The following BLTP1 variants were observed in gnomAD, a reference collection of about 807,000 sequenced individuals.
BLTP1 encodes the protein fragile site-associated protein.
chr4:122,203,735 T>A, the BLTP1 span: 1 of 262,004 alleles, frequency 3.8e-6, no homozygotes, highest in Non-Finnish European at 5.9e-6. Flanking sequence ...TAGAAACTGG[T>A]AGGTAAACTA....
the BLTP1 span, chr4:122,353,058 T>C: frequency 6.2e-7 from 1 of 1,614,064 alleles, no homozygotes; most frequent in Middle Eastern, 1.7e-4. This position sits in a 1 kb window ranked among gnomAD's most constrained non-coding sequence, Gnocchi z 4.3. Flanking sequence ...TGGCATGTTT[T>C]CATGGTCCAA....
chr4:122,220,587 TTAAGTTAAC>T, the BLTP1 span: 5 of 815,104 alleles, frequency 6.1e-6, no homozygotes, highest in Non-Finnish European at 9.4e-6. Flanking sequence ...TTGGAGACTT[TTAAGTTAAC>T]TGTATTAAGA....
At chr4:122,246,005 T>G in the BLTP1 span, 1 of 802,334 alleles carries the variant, frequency 1.2e-6, no homozygotes, top group Non-Finnish European at 1.7e-6. Context: ...TTATCGAAAG[T>G]TTGGATTTTA....
chr4:122,360,022 CAAG>C, the BLTP1 span: 2 of 985,134 alleles, frequency 2.0e-6, no homozygotes, highest in African/African-American at 3.5e-5. Flanking sequence ...ACCTTCTCAC[CAAG>C]ATGTTATTTT....
chr4:122,239,353 G>GTAC, the BLTP1 span: 2 of 260,158 alleles, frequency 7.7e-6, no homozygotes, highest in Non-Finnish European at 1.2e-5. Context: ...AACACATATT[G>GTAC]TACTGTTTTG....
chr4:122,229,634 A>ATT, the BLTP1 span: 1 of 752,822 alleles, frequency 1.3e-6, no homozygotes, highest in Non-Finnish European at 1.6e-6. Context: ...TGCAAAATCA[A>ATT]GCCTTGTTAA....
chr4:122,280,356 A>T, the BLTP1 span, among the ~76,000 whole-genome samples: 1 of 152,218 alleles, frequency 6.6e-6, no homozygotes, highest in Non-Finnish European at 1.5e-5. Flanking sequence ...AAAGTATAGC[A>T]GTGGTCATTT....
the BLTP1 span, chr4:122,170,456 TG>T: frequency 7.7e-7 from 1 of 1,297,192 alleles, no homozygotes; most frequent in African/African-American, 1.6e-5. Context: ...AGTAGAAATG[TG>T]GGCATTTTTG....
At chr4:122,239,472 TTATGA>T in the BLTP1 span, 1 of 1,418,356 alleles carries the variant, frequency 7.1e-7, no homozygotes, top group East Asian at 2.3e-5. Flanking sequence ...TGCTTAAATT[TTATGA>T]TGTATAGAAA....
the BLTP1 span, among the ~76,000 whole-genome samples, chr4:122,342,365 T>TA: frequency 7.9e-3 from 1,147 of 145,040 alleles, 5 homozygotes; most frequent in Middle Eastern, 0.017. Context: ...TTTATTTATT[T>TA]TTTTTTTTGA....
At chr4:122,158,421 A>C in the BLTP1 span, among the ~76,000 whole-genome samples, 1 of 152,088 alleles carries the variant, frequency 6.6e-6, no homozygotes, top group East Asian at 1.9e-4. Context: ...AGATTTAGAG[A>C]GATTGTAGTT....
At chr4:122,251,604 G>A in the BLTP1 span, 11 of 985,102 alleles carry the variant, frequency 1.1e-5, no homozygotes, top group Middle Eastern at 5.2e-4. Context: ...AAGCCTAGCT[G>A]TTCTTTCCTT....
chr4:122,267,628 T>C, the BLTP1 span: 1 of 980,604 alleles, frequency 1.0e-6, no homozygotes, highest in Non-Finnish European at 1.2e-6. Flanking sequence ...GTATTAGAAA[T>C]AGGGCAGAAG....
At chr4:122,298,572 T>A in the BLTP1 span, 1 of 761,088 alleles carries the variant, frequency 1.3e-6, no homozygotes, top group Non-Finnish European at 1.6e-6. Flanking sequence ...TATTCAGAAC[T>A]TTAAAAACAT....
At chr4:122,201,741 G>C in the BLTP1 span, 1 of 222,708 alleles carries the variant, frequency 4.5e-6, no homozygotes, top group Non-Finnish European at 7.5e-6. Context: ...AAAAAGTTTA[G>C]CCCCATAAAG....
chr4:122,220,679 C>T, the BLTP1 span, among the ~76,000 whole-genome samples: 1 of 152,066 alleles, frequency 6.6e-6, no homozygotes, highest in African/African-American at 2.4e-5. Flanking sequence ...CTCCCTATTT[C>T]TGTGATCCCA....
chr4:122,204,644 C>A, the BLTP1 span: 2 of 872,606 alleles, frequency 2.3e-6, no homozygotes, highest in Non-Finnish European at 1.4e-6. Flanking sequence ...TTAGTTTGAC[C>A]AAAAATGCTG....
chr4:122,202,575 A>G, the BLTP1 span: 5 of 957,356 alleles, frequency 5.2e-6, no homozygotes, highest in Non-Finnish European at 6.2e-6. Flanking sequence ...CTCACTTAAG[A>G]TTTTGTATTT....
chr4:122,257,239 A>G, the BLTP1 span: 231 of 1,611,678 alleles, frequency 1.4e-4, no homozygotes, highest in Non-Finnish European at 7.4e-5. Context: ...TTCTAACCAC[A>G]TGATTATTGT....
Sources: gnomAD v4.1 joint callset for allele counts (sites outside exome capture counted in the v4.1 genomes callset) on GRCh38, gnomAD v4.1.1 for gene constraint, Gnocchi (gnomAD v3.1) non-coding constraint, MANE v1.5 for transcripts, NCBI Gene and HGNC (gene_info 2026-07-23, HGNC 2026-07-21) for gene names.